Variants in ELP1 observed in about 807,000 individuals in gnomAD.
ELP1 encodes elongator acetyltransferase complex subunit 1.
A neutral mutation model predicts 183.2 loss-of-function variants in ELP1; 131 were observed. That is an observed-to-expected ratio of 0.72 (90% CI 0.62 to 0.83). The LOEUF is 0.83. Among genes scored for constraint, ELP1 ranks in the 40% least tolerant of loss-of-function variants. The pLI is 0.00. For missense variants in ELP1, 1,550 were observed against 1,594.9 expected (o/e 0.97, Z 0.48); for synonymous variants, 555 against 569.0 (o/e 0.98, Z 0.35).
At chr9:108,923,132 G>T (rs2089613159) in intron 5 of ELP1, among the ~76,000 whole-genome samples, 1 of 152,232 alleles carries the variant, frequency 6.6e-6, no homozygotes, top group Non-Finnish European at 1.5e-5. Flanking sequence ...CACTTTGGGA[G>T]GCTGAGGCAG....
rs999307275 is a variant in ELP1, at chr9:108,912,244, C to T, written c.1189+20G>A. 24 of 1,591,468 alleles carry T rather than the reference C, an allele frequency of 1.5e-5. No homozygotes were observed. The highest frequency in any genetic ancestry group is 2.1e-5 in the Non-Finnish European group (24 of 1,159,380). On this transcript the variant is annotated intron_variant, in intron 11 of 36. Coordinates refer to ENST00000374647, the MANE Select transcript of ELP1 (RefSeq NM_003640.5). ...TCAGGACCCCTTGCAGGCTCATGGA[C>T]ACACTTCCCAGGAGCTTACTTCCAT...
chr9:108,901,748 T>G, intron 16 of ELP1, 67 bp from the exon 17 acceptor site: 1 of 1,415,966 alleles, frequency 7.1e-7, no homozygotes, highest in Non-Finnish European at 1.0e-6. Flanking sequence ...ACCTTTTCTA[T>G]CACATAGTTC....
At chr9:108,900,155 C>T (rs759346035) in intron 19 of ELP1, 105 bp downstream of exon 19, 68 of 879,066 alleles carry the variant, frequency 7.7e-5, no homozygotes, top group Middle Eastern at 2.3e-4. Context: ...TTACAATAAA[C>T]GATACAAAGA....
At chr9:108,894,106 T>C in intron 25 of ELP1, 40 bp from the exon 26 acceptor site, 4 of 1,244,772 alleles carry the variant, frequency 3.2e-6, no homozygotes, top group Middle Eastern at 2.6e-4. Context: ...ACTTGTGATA[T>C]TCATATATAG....
intron 29 of ELP1, among the ~76,000 whole-genome samples, chr9:108,885,714 AC>A (rs1477868538): frequency 6.6e-6 from 1 of 152,232 alleles, no homozygotes; most frequent in Non-Finnish European, 1.5e-5. Flanking sequence ...AGAGGCTAAA[AC>A]CAGGGAAAGC....
chr9:108,872,567 G>A (rs1038699519), intron 36 of ELP1, among the ~76,000 whole-genome samples: 9 of 152,018 alleles, frequency 5.9e-5, no homozygotes, highest in Non-Finnish European at 1.0e-4. Context: ...CACTTTGGGA[G>A]GCCGAGGCGG....
At chr9:108,903,760 T>C (rs1288946749) in intron 14 of ELP1, 91 bp from the exon 15 acceptor site, 2 of 892,464 alleles carry the variant, frequency 2.2e-6, no homozygotes, top group East Asian at 2.4e-5. Flanking sequence ...CAATTTCCTT[T>C]TGATGCTGCA....
At chr9:108,917,773 G>A (rs1402662492) in intron 8 of ELP1, 103 bp from the exon 9 acceptor site, 10 of 1,201,500 alleles carry the variant, frequency 8.3e-6, no homozygotes, top group Non-Finnish European at 1.2e-6. Flanking sequence ...ATGAATGAAT[G>A]AACGAATTAA....
intron 25 of ELP1, among the ~76,000 whole-genome samples, chr9:108,895,204 G>A (rs1230716467): frequency 3.3e-5 from 5 of 152,134 alleles, no homozygotes; most frequent in South Asian, 2.1e-4. Context: ...ACTCCAGCCC[G>A]GGTGATAGAG....
intron 25 of ELP1, among the ~76,000 whole-genome samples, chr9:108,895,772 A>T (rs1480745780): frequency 6.6e-6 from 1 of 152,178 alleles, no homozygotes; most frequent in Admixed American, 6.5e-5. Flanking sequence ...GTGGTGTTCA[A>T]AGTTTTTGAT....
Position 108,868,997 on chromosome 9 carries a change from G to A in ELP1, c.*118C>T, listed in dbSNP as rs1414997736. The A allele has an allele frequency of 3.5e-6, 3 of 858,936 alleles. No homozygotes were observed. Among genetic ancestry groups the A allele is most frequent in the Non-Finnish European group, 6.0e-6 (3 of 496,880 alleles). The allele number at this position is 858,936 out of a possible 1,614,324, so 53.2% of individuals were successfully genotyped here. ...GAAGTTCTTGGCAATGCTAAGGTAA[G>A]TTATCATTTTACTCTTTCCAGTTCT... On this transcript the variant is annotated 3_prime_UTR_variant, in exon 37 of 37. Transcript: ENST00000374647.
chr9:108,893,212 A>C, intron 26 of ELP1, 129 bp from the exon 27 acceptor site: 1 of 709,302 alleles, frequency 1.4e-6, no homozygotes, highest in South Asian at 1.5e-5. Context: ...AGAGAATCTG[A>C]AGAATGGGAT....
chr9:108,872,804 G>C (rs4978752), intron 36 of ELP1, among the ~76,000 whole-genome samples: 6,125 of 81,378 alleles, frequency 0.075, 582 homozygotes, highest in African/African-American at 0.12. Context: ...GACTCTGTCT[G>C]AAAAAAAAAA....
At chr9:108,886,791 T>C (rs1355827863) in intron 29 of ELP1, among the ~76,000 whole-genome samples, 1 of 151,948 alleles carries the variant, frequency 6.6e-6, no homozygotes, top group Non-Finnish European at 1.5e-5. Flanking sequence ...ATACACAAGA[T>C]GTAAACTAAT....
At chr9:108,917,706 C>T (rs1258632850) in intron 8 of ELP1, 36 bp from the exon 9 acceptor site, 4 of 1,611,316 alleles carry the variant, frequency 2.5e-6, no homozygotes, top group Admixed American at 1.7e-5. Context: ...ATATCGAAAG[C>T]TCACCTAACT....
chr9:108,907,305 T>A (rs1829057160), intron 13 of ELP1, among the ~76,000 whole-genome samples: 1 of 152,200 alleles, frequency 6.6e-6, no homozygotes, highest in South Asian at 2.1e-4. Context: ...CAATTTTTTT[T>A]AAATGAAACT....
chr9:108,891,962 G>C (rs138532142), intron 27 of ELP1, among the ~76,000 whole-genome samples: 2,370 of 152,276 alleles, frequency 0.016, 30 homozygotes, highest in Non-Finnish European at 0.025. Context: ...AGTGTGACTA[G>C]AGCAGAGAGA....
At chr9:108,874,107 T>C (rs561097852) in intron 36 of ELP1, among the ~76,000 whole-genome samples, 1 of 152,186 alleles carries the variant, frequency 6.6e-6, no homozygotes, top group African/African-American at 2.4e-5. Flanking sequence ...TATTACAGTG[T>C]AGCACTTCGG....
At chr9:108,927,090 T>C (rs1006912103) in intron 4 of ELP1, among the ~76,000 whole-genome samples, 1 of 152,224 alleles carries the variant, frequency 6.6e-6, no homozygotes, top group Non-Finnish European at 1.5e-5. Flanking sequence ...CCAAGTTTTA[T>C]GACTTTGTTT....
Sources: allele counts gnomAD v4.1 joint callset (sites outside exome capture counted in the v4.1 genomes callset), GRCh38; gene constraint gnomAD v4.1.1; transcripts MANE v1.5; gene names NCBI Gene and HGNC (gene_info 2026-07-23, HGNC 2026-07-21).